OR2L13: variants seen among roughly 807,000 people sequenced by gnomAD.
OR2L13 encodes the protein olfactory receptor 2L13.
A neutral mutation model predicts 15.3 loss-of-function variants in OR2L13; 14 were observed. The ratio of observed to expected loss-of-function variants is 0.91; its 90% CI spans 0.60 to 1.43. The LOEUF (loss-of-function observed/expected upper bound fraction) is 1.43, where lower values mean the gene tolerates loss of function less well. OR2L13 is among the 40% of genes most tolerant of loss of function. The pLI is 0.00. For synonymous variants in OR2L13, 152 were observed against 142.9 expected (o/e 1.06, Z -0.45); for missense variants, 367 against 387.9 (o/e 0.95, Z 0.45).
chr1:248,022,109 C>G, the OR2L13 span: 8 of 1,613,822 alleles, frequency 5.0e-6, no homozygotes, highest in African/African-American at 9.3e-5. Context: ...ACACCCATCT[C>G]CACACACCCA....
chr1:247,977,571 A>T, the OR2L13 span, among the ~76,000 whole-genome samples: 15 of 152,072 alleles, frequency 9.9e-5, no homozygotes, highest in African/African-American at 3.4e-4. Flanking sequence ...AAGAAAACTA[A>T]ATTGCTGGGT....
the OR2L13 span, chr1:248,023,165 C>A: frequency 8.3e-6 from 2 of 240,870 alleles, no homozygotes; most frequent in Non-Finnish European, 8.1e-6. Flanking sequence ...AATAAATGTC[C>A]AAAGGAATCA....
chr1:247,953,275 A>G, the OR2L13 span, among the ~76,000 whole-genome samples: 2 of 152,256 alleles, frequency 1.3e-5, no homozygotes, highest in East Asian at 1.9e-4. Context: ...CTTTGTATGC[A>G]AATGTTATGC....
chr1:248,077,681 A>G, the OR2L13 span, among the ~76,000 whole-genome samples: 1 of 152,226 alleles, frequency 6.6e-6, no homozygotes, highest in Non-Finnish European at 1.5e-5. Flanking sequence ...CCCATGAAGA[A>G]AAACTGTGTA....
At chr1:248,072,167 C>G in the OR2L13 span, among the ~76,000 whole-genome samples, 3 of 152,084 alleles carry the variant, frequency 2.0e-5, no homozygotes, top group South Asian at 2.1e-4. Context: ...CCCACATTGC[C>G]AACTCAATCC....
chr1:247,980,129 T>A, the OR2L13 span, among the ~76,000 whole-genome samples: 2 of 152,126 alleles, frequency 1.3e-5, no homozygotes, highest in African/African-American at 4.8e-5. Flanking sequence ...TTTGAGTACA[T>A]TTAAGATACT....
At chr1:247,948,189 G>A in the OR2L13 span, among the ~76,000 whole-genome samples, 65 of 151,884 alleles carry the variant, frequency 4.3e-4, 1 homozygote, top group East Asian at 0.012. Flanking sequence ...CTCCAGCCTG[G>A]GTAACAGAGA....
the OR2L13 span, among the ~76,000 whole-genome samples, chr1:248,073,814 T>G: frequency 1.3e-5 from 2 of 151,888 alleles, no homozygotes; most frequent in African/African-American, 2.4e-5. Context: ...ACTAAAACAT[T>G]ATACACTTAA....
chr1:247,961,016 G>A, the OR2L13 span, among the ~76,000 whole-genome samples: 11 of 152,234 alleles, frequency 7.2e-5, no homozygotes, highest in South Asian at 1.2e-3. Flanking sequence ...GAAATTACCC[G>A]TCTTCTGCGT....
At chr1:248,067,908 G>C in the OR2L13 span, among the ~76,000 whole-genome samples, 3 of 152,220 alleles carry the variant, frequency 2.0e-5, no homozygotes, top group Admixed American at 1.3e-4. Context: ...ACAGCAGTCT[G>C]AGATCAAACT....
At chr1:248,021,016 C>A in the OR2L13 span, among the ~76,000 whole-genome samples, 1 of 151,776 alleles carries the variant, frequency 6.6e-6, no homozygotes, top group Admixed American at 6.6e-5. Flanking sequence ...AAGTGTTACA[C>A]AATAAATGTA....
chr1:248,072,845 C>G, the OR2L13 span, among the ~76,000 whole-genome samples: 2 of 152,052 alleles, frequency 1.3e-5, no homozygotes, highest in African/African-American at 2.4e-5. Context: ...CAAAAGAAGA[C>G]GTTTATGCAG....
At chr1:248,043,898 T>C in the OR2L13 span, among the ~76,000 whole-genome samples, 1 of 152,162 alleles carries the variant, frequency 6.6e-6, no homozygotes, top group Non-Finnish European at 1.5e-5. Flanking sequence ...TCTTAATTAG[T>C]ATATTTTTCA....
At chr1:248,048,126 A>G in the OR2L13 span, among the ~76,000 whole-genome samples, 1 of 152,194 alleles carries the variant, frequency 6.6e-6, no homozygotes, top group Non-Finnish European at 1.5e-5. Context: ...CTGTCTAGCC[A>G]TGGAAATGTC....
the OR2L13 span, among the ~76,000 whole-genome samples, chr1:248,059,198 A>G: frequency 8.5e-5 from 13 of 152,154 alleles, no homozygotes; most frequent in African/African-American, 3.1e-4. Flanking sequence ...ATACGTGGTT[A>G]TAGTAGCTCA....
At chr1:247,983,227 A>G in the OR2L13 span, among the ~76,000 whole-genome samples, 12 of 152,198 alleles carry the variant, frequency 7.9e-5, no homozygotes, top group African/African-American at 2.9e-4. Context: ...TTAGGATTAA[A>G]TCTAATGGAA....
the OR2L13 span, among the ~76,000 whole-genome samples, chr1:247,956,807 T>C: frequency 3.3e-5 from 5 of 152,258 alleles, no homozygotes; most frequent in Admixed American, 1.3e-4. Flanking sequence ...ATCTTGAGAC[T>C]GTGCTGAAGT....
the OR2L13 span, among the ~76,000 whole-genome samples, chr1:247,979,970 A>G: frequency 2.2e-4 from 34 of 152,324 alleles, 3 homozygotes; most frequent in South Asian, 6.0e-3. Flanking sequence ...AAAAACATCA[A>G]ATTGTAACCC....
chr1:248,037,527 A>G, the OR2L13 span, among the ~76,000 whole-genome samples: 1 of 152,180 alleles, frequency 6.6e-6, no homozygotes, highest in Non-Finnish European at 1.5e-5. Context: ...GATTTTTCCT[A>G]TAAATGTATA....
Sources: gnomAD v4.1 joint callset for allele counts (sites outside exome capture counted in the v4.1 genomes callset) on GRCh38, gnomAD v4.1.1 for gene constraint, MANE v1.5 for transcripts, NCBI Gene and HGNC (gene_info 2026-07-23, HGNC 2026-07-21) for gene names.